Variants in MST1R observed in about 807,000 individuals in gnomAD.
MST1R encodes the protein macrophage stimulating 1 receptor, also known as macrophage-stimulating protein receptor.
Under a neutral mutation model 117.8 loss-of-function variants are expected in MST1R, and 99 were observed. The observed-to-expected ratio is 0.84, with a 90% confidence interval of 0.71 to 0.99. The LOEUF is 0.99. Among genes scored for constraint, MST1R ranks in the 50% least tolerant of loss-of-function variants. The pLI is 0.00. For synonymous variants in MST1R, 734 were observed against 765.3 expected, an observed-to-expected ratio of 0.96 and a Z score of 0.68; for missense variants, 1,683 against 1,840.2, an observed-to-expected ratio of 0.91 and a Z score of 1.56.
intron 1 of MST1R, chr3:49,899,625 G>C (rs1226664135): frequency 4.2e-6 from 1 of 239,228 alleles, no homozygotes; most frequent in Non-Finnish European, 7.9e-6. Context: ...GCTGGGGCTG[G>C]AGGGCAATGG....
chr3:49,895,178 ACT>A lies in MST1R; in HGVS notation c.3258_3259del (p.Val1087HisfsTer67). On this transcript the variant is annotated frameshift_variant, in exon 14 of 20. Coordinates refer to ENST00000296474, the MANE Select transcript of MST1R (RefSeq NM_002447.4). LOFTEE classifies it high-confidence loss of function. ...CCTGGCCCCCACACCTTTGCCAATGACTCGGTCACTGTGGGTGACCACCCGCT... is the reference window on the plus strand; with the variant it reads ...CCTGGCCCCCACACCTTTGCCAATGACGGTCACTGTGGGTGACCACCCGCT... The A allele has an allele frequency of 6.2e-7, 1 of 1,613,886 alleles. No homozygotes were observed. The highest frequency in any genetic ancestry group is 8.5e-7 in the Non-Finnish European group (1 of 1,180,014).
At position 49,903,308 on chromosome 3, in the gene MST1R, C is replaced by T. The variant is rs2108512551; in HGVS notation, c.302G>A (p.Cys101Tyr). Residue 101 changes from cysteine (C) to tyrosine (Y), a missense_variant, in exon 1 of 20, where the codon TGC (cysteine) becomes TAC (tyrosine). Coordinates refer to ENST00000296474, the MANE Select transcript of MST1R (RefSeq NM_002447.4). ...TGGGCCACAGGCTGCACACGTCTGG[C>T]AGCCAGGGTCTCCAGCAGGGCCCGT... ...LATGPAGDPG[C>Y]QTCAACGPGP... 6.2e-7 allele frequency: 1 copy of T among 1,612,696 alleles called. No individual in the cohort carries two copies.
At chr3:49,892,015 G>T (rs1184947811) in intron 14 of MST1R, 177 bp from the exon 15 acceptor site, 5 of 468,644 alleles carry the variant, frequency 1.1e-5, no homozygotes, top group African/African-American at 2.0e-5. Context: ...CCAGGCTGAA[G>T]TGCAGTGGTG....
At position 49,899,000 on chromosome 3, in the gene MST1R, G is replaced by A; in HGVS notation, c.1420-5C>T. On this transcript the variant is annotated splice_polypyrimidine_tract_variant and splice_region_variant and intron_variant, in intron 2 of 19. Coordinates refer to ENST00000296474, the MANE Select transcript of MST1R (RefSeq NM_002447.4). ...TAGTGACCTGACCAGCTCCACCTAGGACAGGTCAGATGTGAGCAAAATGGG... is the reference window on the plus strand; with the variant it reads ...TAGTGACCTGACCAGCTCCACCTAGAACAGGTCAGATGTGAGCAAAATGGG... The A allele has an allele frequency of 6.2e-7, 1 of 1,614,180 alleles. No individual in the cohort carries two copies. The highest frequency in any genetic ancestry group is 8.5e-7 in the Non-Finnish European group (1 of 1,180,042).
intron 14 of MST1R, among the ~76,000 whole-genome samples, chr3:49,893,627 C>A (rs777828582): frequency 6.7e-6 from 1 of 148,644 alleles, no homozygotes; most frequent in African/African-American, 2.5e-5. Flanking sequence ...AGGCCGGGCG[C>A]GGTGGCTCAC....
chr3:49,893,050 G>A lies in MST1R; in HGVS notation c.3272-1212C>T, dbSNP rs369824400. On this transcript the variant is annotated intron_variant, in intron 14 of 19. Coordinates refer to ENST00000296474, the MANE Select transcript of MST1R (RefSeq NM_002447.4). ...TCCCAGCACTTCGGGAGGCCGAGGC[G>A]GGCGGATCACCTGAGGTCGGGAGTT... is the stretch of plus-strand genomic sequence containing the variant. 1.3e-4 allele frequency among the ~76,000 whole-genome samples: 20 copies of A among 150,016 alleles called. No individual in the cohort carries two copies. In the East Asian group the frequency reaches 2.4e-3, roughly 18 times the overall value.
chr3:49,890,865 A>G (rs2082293526), intron 17 of MST1R, among the ~76,000 whole-genome samples: 1 of 152,090 alleles, frequency 6.6e-6, no homozygotes, highest in Non-Finnish European at 1.5e-5. Context: ...AGCTGGGACT[A>G]CAGGGGCCCG....
chr3:49,894,004 A>G (rs946272071), intron 14 of MST1R, among the ~76,000 whole-genome samples: 21 of 151,230 alleles, frequency 1.4e-4, no homozygotes, highest in African/African-American at 5.1e-4. Context: ...ACCTGAGGTC[A>G]GGAGTTCGAG....
rs374085484 is a variant in MST1R at position 49,902,419 on chromosome 3, G to C, written c.1191C>G (p.Gly397=). The stretch of plus-strand genomic sequence containing the variant: ...AACTGGGCGACTGGAAGAAGTCGAG[G>C]CCTCGCCGGAGGCCTGGATGGACTG... ...ESPVHPGLRR[G]LDFFQSPSFC... The change falls in exon 1 of 20, where the codon GGC becomes GGG. Residue 397 remains glycine (G), a synonymous_variant. Coordinates refer to ENST00000296474, the MANE Select transcript of MST1R (RefSeq NM_002447.4). 3.1e-6 allele frequency: 5 copies of C among 1,614,008 alleles called. No homozygotes were observed. In the African/African-American group the frequency reaches 4.0e-5, roughly 13 times the overall value.
rs767469077 is a variant in MST1R at position 49,902,881 on chromosome 3, G to A, written c.729C>T (p.Val243=). ...TGTGCACGTATTCAATACTGTAGGAGACAAGATGCTTGGGCAGCACTGACA... is the reference window on the plus strand; with the variant it reads ...TGTGCACGTATTCAATACTGTAGGAAACAAGATGCTTGGGCAGCACTGACA... ...VALSVLPKHL[V]SYSIEYVHSF... The change falls in exon 1 of 20, where the codon GTC becomes GTT. Residue 243 remains valine (V), a synonymous_variant. Coordinates refer to ENST00000296474, the MANE Select transcript of MST1R (RefSeq NM_002447.4). 2 of 1,613,584 alleles carry A rather than the reference G, an allele frequency of 1.2e-6. No homozygotes were observed. The highest frequency in any genetic ancestry group is 2.2e-5 in the East Asian group (1 of 44,890).
chr3:49,894,360 C>T (rs186302170), intron 14 of MST1R, among the ~76,000 whole-genome samples: 2 of 152,122 alleles, frequency 1.3e-5, no homozygotes, highest in Non-Finnish European at 1.5e-5. Flanking sequence ...TCCAGGAGTT[C>T]GAGGCCAGCC....
rs776401986 is a variant in MST1R, at chr3:49,895,755, A to G, written c.2922T>C (p.Thr974=). 8 of 1,613,294 alleles carry G rather than the reference A, an allele frequency of 5.0e-6. No homozygotes were observed. In the African/African-American group the frequency reaches 6.7e-5, roughly 13 times the overall value. The change falls in exon 12 of 20, where the codon ACT becomes ACC. Residue 974 remains threonine, a synonymous_variant. Transcript: ENST00000296474. ...PLLLLVAALA[T]ALVFSYWWRR... ...GCCACCAGTAGCTGAAGACCAGTGC[A>G]GTCGCCAGTGCAGCCACAAGCAGCA... is the stretch of plus-strand genomic sequence containing the variant.
chr3:49,896,662 T>C, intron 8 of MST1R, 29 bp from the exon 9 acceptor site: 1 of 1,613,050 alleles, frequency 6.2e-7, no homozygotes. Flanking sequence ...TGGTAGGCTT[T>C]GGGTGTTCTC....
intron 14 of MST1R, among the ~76,000 whole-genome samples, chr3:49,893,237 C>T (rs561210321): frequency 2.0e-4 from 30 of 151,218 alleles, no homozygotes; most frequent in African/African-American, 5.8e-4. Context: ...TGAGATCATG[C>T]CACTGCACTC....
intron 14 of MST1R, among the ~76,000 whole-genome samples, chr3:49,893,917 A>G (rs1488387796): frequency 6.8e-6 from 1 of 146,108 alleles, no homozygotes; most frequent in African/African-American, 2.5e-5. Context: ...AAAAAAAATA[A>G]AATAAAATAA....
chr3:49,901,310 G>A (rs2082668451), intron 1 of MST1R, among the ~76,000 whole-genome samples: 1 of 152,236 alleles, frequency 6.6e-6, no homozygotes, highest in South Asian at 2.1e-4. Flanking sequence ...AGCAGGCCCA[G>A]GGCCACAGGA....
In MST1R at chr3:49,898,069, T is replaced by C; in HGVS notation, c.1862A>G (p.Lys621Arg). The C allele has an allele frequency of 1.9e-6, 3 of 1,614,126 alleles. No individual in the cohort carries two copies. The highest frequency in any genetic ancestry group is 2.5e-6 in the Non-Finnish European group (3 of 1,180,036). Residue 621 changes from lysine to arginine, a missense_variant, in exon 5 of 20, where the codon AAG becomes AGG. Transcript: ENST00000296474. Reference sequence around the variant, plus strand: ...ATTGTACCTGAGTTTTGAGCTGTCCTTGGGCAGTGGCCGGCAGGGACTTTG... The same window carrying C: ...ATTGTACCTGAGTTTTGAGCTGTCCCTGGGCAGTGGCCGGCAGGGACTTTG... ...VGQSPCRPLP[K>R]DSSKLRPVPR...
intron 5 of MST1R, 69 bp from the exon 6 acceptor site, chr3:49,897,754 G>T: frequency 1.3e-6 from 2 of 1,524,824 alleles, no homozygotes; most frequent in Non-Finnish European, 1.8e-6. Context: ...CCTGCCACAA[G>T]CCACAGGGCT....
intron 1 of MST1R, among the ~76,000 whole-genome samples, chr3:49,901,522 C>T (rs116551728): frequency 1.6e-3 from 248 of 152,262 alleles, no homozygotes; most frequent in Admixed American, 4.4e-3. Flanking sequence ...GGACCAATTC[C>T]AACCAGCCCT....
Sources: gnomAD v4.1 joint callset for allele counts (sites outside exome capture counted in the v4.1 genomes callset) on GRCh38, gnomAD v4.1.1 for gene constraint, MANE v1.5 for transcripts, NCBI Gene and HGNC (gene_info 2026-07-23, HGNC 2026-07-21) for gene names.